The following ERAP1 variants were observed in gnomAD, a reference collection of about 807,000 sequenced individuals.
The protein encoded by ERAP1 is adipocyte-derived leucine aminopeptidase.
A neutral mutation model predicts 103.7 loss-of-function variants in ERAP1; 86 were observed. That is an observed-to-expected ratio of 0.83 (90% CI 0.70 to 0.99). ERAP1 has a LOEUF of 0.99. Ranked by LOEUF, ERAP1 falls within the 50% of genes least tolerant of loss-of-function variation. ERAP1 has a pLI of 0.00. For missense variants in ERAP1, 1,009 were observed against 1,128.4 expected (o/e 0.89, Z 1.52); for synonymous variants, 398 against 402.4 (o/e 0.99, Z 0.13).
At chr5:96,801,715 G>T (rs994918126) in intron 2 of ERAP1, among the ~76,000 whole-genome samples, 1 of 151,686 alleles carries the variant, frequency 6.6e-6, no homozygotes, top group South Asian at 2.1e-4. Context: ...AGCTGGGTGT[G>T]GTGGTGCGCG....
intron 2 of ERAP1, 54 bp downstream of exon 2, chr5:96,803,349 G>A (rs1287505830): frequency 2.0e-6 from 3 of 1,519,726 alleles, no homozygotes. Context: ...CTGAAATAAT[G>A]AATTTAGCGT....
chr5:96,900,123 T>C, the ERAP1 span: 3 of 1,613,602 alleles, frequency 1.9e-6, no homozygotes, highest in Non-Finnish European at 1.7e-6. Flanking sequence ...TTTTGTAGAG[T>C]TGTTTAGAAA....
chr5:96,920,147 A>C, the ERAP1 span, among the ~76,000 whole-genome samples: 1 of 152,076 alleles, frequency 6.6e-6, no homozygotes, highest in Non-Finnish European at 1.5e-5. Flanking sequence ...CGTTTCCACA[A>C]AAAAATACAA....
intron 2 of ERAP1, among the ~76,000 whole-genome samples, chr5:96,802,335 A>G (rs1378186315): frequency 6.6e-6 from 1 of 152,000 alleles, no homozygotes; most frequent in Non-Finnish European, 1.5e-5. Context: ...TTCCCAACAT[A>G]TTAAGTTAAA....
At chr5:96,829,478 T>C in the ERAP1 span, among the ~76,000 whole-genome samples, 2 of 152,342 alleles carry the variant, frequency 1.3e-5, no homozygotes, top group South Asian at 4.1e-4. Context: ...GACTTCCGGA[T>C]TGAATTCTTT....
chr5:96,873,579 G>A, the ERAP1 span: 1 of 423,414 alleles, frequency 2.4e-6, no homozygotes, highest in Non-Finnish European at 4.8e-6. Context: ...GGTCAATGGA[G>A]AGGAAGGTGC....
Position 96,783,228 on chromosome 5 carries a change from A to AG in ERAP1, c.2107dup (p.Leu703ProfsTer10). The AG allele has an allele frequency of 6.2e-7, 1 of 1,611,138 alleles. No individual in the cohort carries two copies. The highest frequency in any genetic ancestry group is 8.5e-7 in the Non-Finnish European group (1 of 1,177,412). On this transcript the variant is annotated frameshift_variant, in exon 15 of 19. Transcript: ENST00000443439. LOFTEE classifies it high-confidence loss of function. ...AATGAGGTCCCTTAGCAGCCTGATG[A>AG]GGAAGGCCTGAGGGCGTTGTACAGG... is the stretch of plus-strand genomic sequence containing the variant.
Position 96,786,510 on chromosome 5 carries a change from T to A in ERAP1, c.1719A>T (p.Lys573Asn). 6.2e-7 allele frequency: 1 copy of A among 1,613,348 alleles called. No individual in the cohort carries two copies. The highest frequency in any genetic ancestry group is 1.1e-5 in the South Asian group (1 of 91,064). Reference protein sequence around the residue: ...WHVPLTFITSKSDMVHRFLLK... With the variant: ...WHVPLTFITSNSDMVHRFLLK... ...GCAAAAATCGATGGACCATGTCGGA[T>A]TTGCTGGTGATGAATGTCAATGGAA... The change falls in exon 12 of 19, where the codon AAA becomes AAT. Residue 573 changes from lysine to asparagine, a missense_variant. Around this residue, in one of 3 missense-constraint regions of ERAP1, gnomAD observed 611 missense variants for 651.7 expected, o/e 0.94. Coordinates refer to ENST00000443439, the MANE Select transcript of ERAP1 (RefSeq NM_001040458.3).
chr5:96,768,032 A>C, intron 19 of ERAP1: 1 of 1,343,724 alleles, frequency 7.4e-7, no homozygotes, highest in Non-Finnish European at 1.1e-6. Context: ...ACTCTTTGAA[A>C]TGTGTGTGTG....
chr5:96,903,673 G>T, the ERAP1 span: 14 of 999,536 alleles, frequency 1.4e-5, no homozygotes, highest in Non-Finnish European at 2.0e-5. Flanking sequence ...GGATTTGAAT[G>T]GAATTCAAAC....
chr5:96,889,501 T>A, the ERAP1 span: 15 of 710,790 alleles, frequency 2.1e-5, no homozygotes, highest in Non-Finnish European at 3.7e-5. Context: ...ACAGTGTGGA[T>A]CATTTCTCTA....
the ERAP1 span, among the ~76,000 whole-genome samples, chr5:96,836,229 T>A: frequency 7.2e-6 from 1 of 138,506 alleles, no homozygotes; most frequent in East Asian, 2.2e-4. Context: ...CAAGACAGAG[T>A]CTCACTCTGT....
chr5:96,839,672 T>C, the ERAP1 span, among the ~76,000 whole-genome samples: 3 of 152,190 alleles, frequency 2.0e-5, no homozygotes, highest in East Asian at 3.8e-4. Flanking sequence ...CATTTCCTCC[T>C]TCACTCCCTG....
chr5:96,808,521 A>C (rs769942408), upstream of ERAP1, among the ~76,000 whole-genome samples: 17 of 152,044 alleles, frequency 1.1e-4, no homozygotes, highest in Non-Finnish European at 1.8e-4. Context: ...AAAGTGCCGC[A>C]CCTTCTGGGG....
chr5:96,811,006 C>T (rs775141125), upstream of ERAP1, among the ~76,000 whole-genome samples: 1 of 152,160 alleles, frequency 6.6e-6, no homozygotes, highest in African/African-American at 2.4e-5. Context: ...ACCCAGTCAG[C>T]CTTGCCCACT....
the ERAP1 span, chr5:96,934,223 A>G: frequency 2.6e-5 from 4 of 152,244 alleles, no homozygotes; most frequent in African/African-American, 9.6e-5. Context: ...AATCCAAAAC[A>G]TTGTTTCAGA....
At chr5:96,893,666 AG>A in the ERAP1 span, among the ~76,000 whole-genome samples, 10 of 152,286 alleles carry the variant, frequency 6.6e-5, no homozygotes, top group South Asian at 2.1e-3. Flanking sequence ...GATGCAGTCA[AG>A]TGCTGAAGCA....
the ERAP1 span, among the ~76,000 whole-genome samples, chr5:96,866,919 G>A: frequency 6.6e-6 from 1 of 152,124 alleles, no homozygotes; most frequent in Non-Finnish European, 1.5e-5. Context: ...TTTCCTTGAT[G>A]AGTGACTGGG....
At chr5:96,804,776 T>C (rs1466400849) in intron 1 of ERAP1, 1 of 152,112 alleles carries the variant, frequency 6.6e-6, no homozygotes, top group African/African-American at 2.4e-5. Flanking sequence ...CGAAATCCCG[T>C]CTCTACTAAA....
Sources: gnomAD v4.1 joint callset for allele counts (sites outside exome capture counted in the v4.1 genomes callset) on GRCh38, gnomAD v4.1.1 for gene constraint, gnomAD v4.1.1 regional missense constraint, MANE v1.5 for transcripts, NCBI Gene and HGNC (gene_info 2026-07-23, HGNC 2026-07-21) for gene names.